Variants in CALB2 observed in about 807,000 individuals in gnomAD.
CALB2 encodes the protein calretinin.
Under a neutral mutation model 45.9 loss-of-function variants are expected in CALB2, and 34 were observed. The observed-to-expected ratio is 0.74, with a 90% CI of 0.56 to 0.99. The LOEUF (loss-of-function observed/expected upper bound fraction) is 0.99, where lower values mean the gene tolerates loss of function less well. Among genes scored for constraint, CALB2 ranks in the 50% least tolerant of loss-of-function variants. CALB2 has a pLI of 0.00. For missense variants in CALB2, 344 were observed against 339.3 expected (o/e 1.01, Z -0.11); for synonymous variants, 142 against 129.6 (o/e 1.10, Z -0.65).
rs764903344 is a variant in CALB2, at chr16:71,389,784, G to C, written c.735G>C (p.Lys245Asn). The change falls in exon 11 of 11, where the codon AAG becomes AAC. Residue 245 changes from lysine (K) to asparagine (N), a missense_variant. This residue lies in a region of CALB2 where 263 missense variants were observed against 241.7 expected (regional missense o/e 1.09). Transcript: ENST00000302628. ...MNIQQLTNYR[K>N]SVMSLAEAGK... ...TTCAACAGCTCACCAACTACAGAAAGAGCGTCATGTCCTTGGCAGAGGCAG... is the reference window on the plus strand; with the variant it reads ...TTCAACAGCTCACCAACTACAGAAACAGCGTCATGTCCTTGGCAGAGGCAG... 3.1e-6 allele frequency: 5 copies of C among 1,614,050 alleles called. No individual in the cohort carries two copies. The South Asian group carries it at 4.4e-5, about 14-fold the overall frequency.
At chr16:71,367,881 CAG>C (rs910050004) in intron 1 of CALB2, among the ~76,000 whole-genome samples, 4 of 152,132 alleles carry the variant, frequency 2.6e-5, no homozygotes, top group African/African-American at 9.7e-5. Flanking sequence ...AAGCTGAATT[CAG>C]AGAGGCGGCT....
Position 71,389,943 on chromosome 16 carries a change from A to G in CALB2, c.*78A>G. On this transcript the variant is annotated 3_prime_UTR_variant, in exon 11 of 11. Coordinates refer to ENST00000302628, the MANE Select transcript of CALB2 (RefSeq NM_001740.5). ...CTGATGCGTCTACCCAGACTCAGAG[A>G]CCGTGAGCGCCCCGCCCCCACCCCT... 1 of 957,760 alleles carries G rather than the reference A, an allele frequency of 1.0e-6. No homozygotes were observed. The highest frequency in any genetic ancestry group is 1.3e-5 in the South Asian group (1 of 74,972). The allele number at this position is 957,760 out of a possible 1,614,324, so 59.3% of individuals were successfully genotyped here.
At position 71,378,055 on chromosome 16, in the gene CALB2, T is replaced by C. The variant is rs751283671; in HGVS notation, c.342+308T>C. Among the ~76,000 whole-genome samples the C allele has an allele frequency of 1.7e-4, 26 of 152,132 alleles. No individual in the cohort carries two copies. The South Asian group carries it at 2.3e-3, about 13-fold the overall frequency. On this transcript the variant is annotated intron_variant, in intron 4 of 10. Coordinates refer to ENST00000302628, the MANE Select transcript of CALB2 (RefSeq NM_001740.5). ...CTGGCCAACATGGCAAAACCCCATC[T>C]CTACCAAAATACAAAAAAGTTAGCC...
At chr16:71,379,050 G>A (rs1253741000) in intron 4 of CALB2, among the ~76,000 whole-genome samples, 1 of 152,152 alleles carries the variant, frequency 6.6e-6, no homozygotes, top group African/African-American at 2.4e-5. Context: ...GCCAAGGCAG[G>A]TGGATCACTT....
chr16:71,374,045 GA>G (rs1331814957), intron 2 of CALB2, among the ~76,000 whole-genome samples: 1 of 152,154 alleles, frequency 6.6e-6, no homozygotes, highest in African/African-American at 2.4e-5. Flanking sequence ...TAGGGAGAAG[GA>G]AGAGCTCCTT....
rs183111639 is a variant in CALB2 at position 71,384,856 on chromosome 16, T to A, written c.627+20T>A. The A allele has an allele frequency of 4.3e-6, 7 of 1,610,666 alleles. No individual in the cohort carries two copies. Among genetic ancestry groups the A allele is most frequent in the Non-Finnish European group, 5.9e-6 (7 of 1,177,370 alleles). On this transcript the variant is annotated intron_variant, in intron 9 of 10. Transcript: ENST00000302628. ...GACAAGGTAAGAGAGGGAGTTGGCA[T>A]GGCAGGGAAAATCAGAAGCCCATCA...
intron 10 of CALB2, among the ~76,000 whole-genome samples, chr16:71,386,195 A>G (rs1211477284): frequency 1.3e-5 from 2 of 152,234 alleles, no homozygotes; most frequent in Non-Finnish European, 2.9e-5. Flanking sequence ...TTAAAGCTGA[A>G]TAATGCTGCA....
intron 5 of CALB2, 106 bp downstream of exon 5, chr16:71,382,881 A>C (rs1305553396): frequency 2.1e-6 from 2 of 956,064 alleles, no homozygotes; most frequent in East Asian, 2.5e-5. Context: ...CGGGCTGCTT[A>C]GGAATACTCA....
chr16:71,372,080 C>T, intron 1 of CALB2, 73 bp from the exon 2 acceptor site: 1 of 1,029,862 alleles, frequency 9.7e-7, no homozygotes, highest in Non-Finnish European at 1.5e-6. Context: ...CTCCACGAAG[C>T]CCCCGACATG....
rs745690755 is a variant in CALB2, at chr16:71,384,840, A to G, written c.627+4A>G. 2 of 1,612,170 alleles carry G rather than the reference A, an allele frequency of 1.2e-6. No individual in the cohort carries two copies. Among genetic ancestry groups the G allele is most frequent in the South Asian group, 1.1e-5 (1 of 91,028 alleles). ...GATCTTCACATTTTACGACAAGGTA[A>G]GAGAGGGAGTTGGCATGGCAGGGAA... is the stretch of plus-strand genomic sequence containing the variant. On this transcript the variant is annotated splice_donor_region_variant and intron_variant, in intron 9 of 10. Transcript: ENST00000302628.
At chr16:71,365,985 CTTTT>C (rs2042280910) in intron 1 of CALB2, among the ~76,000 whole-genome samples, 1 of 123,062 alleles carries the variant, frequency 8.1e-6, no homozygotes, top group Non-Finnish European at 1.7e-5. Context: ...AACCAGTATT[CTTTT>C]TTCTTTCTTT....
intron 1 of CALB2, among the ~76,000 whole-genome samples, chr16:71,365,911 G>C (rs979652346): frequency 1.3e-5 from 2 of 151,572 alleles, no homozygotes; most frequent in East Asian, 3.9e-4. Flanking sequence ...CTGGGGATGG[G>C]GCCAAGGCAA....
In CALB2 at chr16:71,366,024, C is replaced by CTTTTTT. The variant is rs1171021532; in HGVS notation, c.95-6114_95-6109dup. Among the ~76,000 whole-genome samples the CTTTTTT allele has an allele frequency of 2.4e-3, 108 of 45,062 alleles. 12 individuals are homozygous for CTTTTTT. The highest frequency in any genetic ancestry group is 9.8e-3 in the African/African-American group (102 of 10,428). The allele number at this position is 45,062 out of a possible 152,430, so 29.6% of individuals were successfully genotyped here. A position where few individuals can be genotyped will look rare whatever the true frequency, so the allele number is the denominator to read the frequency against. ...TCTTTGTTTTCTTCCCTCTCTCTCT[C>CTTTTTT]TTTTTTTTTTTTTTTTTTTTGAGAT... On this transcript the variant is annotated intron_variant, in intron 1 of 10. Transcript: ENST00000302628.
chr16:71,364,598 C>T (rs2042263753), intron 1 of CALB2, among the ~76,000 whole-genome samples: 1 of 152,198 alleles, frequency 6.6e-6, no homozygotes, highest in Non-Finnish European at 1.5e-5. Flanking sequence ...CCCCTCTCAC[C>T]CAATCTGCCC....
At chr16:71,384,659 CCA>C (rs747724528) in intron 8 of CALB2, 122 bp from the exon 9 acceptor site, 3 of 432,324 alleles carry the variant, frequency 6.9e-6, no homozygotes, top group Admixed American at 3.1e-5. Context: ...AGACCACACA[CCA>C]CACACACAAC....
intron 10 of CALB2, chr16:71,389,447 C>A (rs1356335334): frequency 1.9e-6 from 1 of 524,898 alleles, no homozygotes; most frequent in East Asian, 5.0e-5. Flanking sequence ...CATTCCCTCA[C>A]GTAATCATCG....
chr16:71,389,532 C>T, intron 10 of CALB2: 1 of 713,870 alleles, frequency 1.4e-6, no homozygotes, highest in Non-Finnish European at 2.6e-6. Flanking sequence ...GGAAGGTTGA[C>T]TACCTTCCCC....
At chr16:71,373,236 A>G (rs993650880) in intron 2 of CALB2, among the ~76,000 whole-genome samples, 4 of 152,052 alleles carry the variant, frequency 2.6e-5, no homozygotes, top group East Asian at 3.9e-4. Flanking sequence ...CTGTTGGCCA[A>G]TCCACTGTTT....
chr16:71,376,633 A>C (rs542160739), intron 3 of CALB2, among the ~76,000 whole-genome samples: 1 of 152,074 alleles, frequency 6.6e-6, no homozygotes, highest in African/African-American at 2.4e-5. Context: ...ATGCACCCAC[A>C]TGCAACCACA....
Sources: allele counts gnomAD v4.1 joint callset (sites outside exome capture counted in the v4.1 genomes callset), GRCh38; gene constraint gnomAD v4.1.1; regional missense constraint gnomAD v4.1.1; transcripts MANE v1.5; gene names NCBI Gene and HGNC (gene_info 2026-07-23, HGNC 2026-07-21).